RBFOX1: variants seen among roughly 807,000 people sequenced by gnomAD.
RBFOX1 encodes RNA binding fox-1 homolog 1.
A neutral mutation model predicts 57.7 loss-of-function variants in RBFOX1; 8 were observed. The observed-to-expected ratio is 0.14, with a 90% CI of 0.08 to 0.25. The LOEUF (loss-of-function observed/expected upper bound fraction) is 0.25, where lower values mean the gene tolerates loss of function less well. Ranked by LOEUF, RBFOX1 falls within the 10% of genes least tolerant of loss-of-function variation. The pLI is 1.00. For synonymous variants in RBFOX1, 326 were observed against 222.4 expected (o/e 1.47, Z -4.15); for missense variants, 611 against 548.5 (o/e 1.11, Z -1.14).
intron 4 of RBFOX1, among the ~76,000 whole-genome samples, chr16:7,379,779 G>A (rs983052265): frequency 6.8e-6 from 1 of 146,398 alleles, no homozygotes; most frequent in South Asian, 2.2e-4. Flanking sequence ...CCTGCCTTCC[G>A]TCCTGCCTGC....
chr16:5,243,905 A>AT (rs981567158), intron 1 of RBFOX1, among the ~76,000 whole-genome samples: 8 of 151,016 alleles, frequency 5.3e-5, no homozygotes, highest in Non-Finnish European at 7.4e-5. Flanking sequence ...ATTTATTTTT[A>AT]TTTTTTTTTA....
chr16:7,630,986 C>A (rs565130741), intron 11 of RBFOX1, among the ~76,000 whole-genome samples: 3 of 152,174 alleles, frequency 2.0e-5, no homozygotes, highest in Non-Finnish European at 4.4e-5. Context: ...CATAGCTTTG[C>A]AAATTAATAT....
chr16:7,631,035 G>A (rs549206251), intron 11 of RBFOX1, among the ~76,000 whole-genome samples: 2 of 152,158 alleles, frequency 1.3e-5, no homozygotes, highest in Admixed American at 6.5e-5. Flanking sequence ...CACCCCAAAG[G>A]CACCCTTGCC....
At chr16:7,676,869 T>A in intron 14 of RBFOX1, 31 bp downstream of exon 14, 1 of 1,571,970 alleles carries the variant, frequency 6.4e-7, no homozygotes, top group Non-Finnish European at 8.8e-7. Flanking sequence ...GCTTGACAAC[T>A]ACTTGTAAAT....
At chr16:6,531,115 G>A (rs1387502412) in intron 2 of RBFOX1, among the ~76,000 whole-genome samples, 1 of 152,168 alleles carries the variant, frequency 6.6e-6, no homozygotes, top group Non-Finnish European at 1.5e-5. Flanking sequence ...CAAGTCACTT[G>A]TGCTTACCAT....
Position 6,920,129 on chromosome 16 carries a change from G to A in RBFOX1, c.-15-131928G>A, listed in dbSNP as rs1215247669. 2.6e-5 allele frequency among the ~76,000 whole-genome samples: 4 copies of A among 152,138 alleles called. No individual in the cohort carries two copies. In the South Asian group the frequency reaches 6.2e-4, roughly 24 times the overall value. Reference sequence around the variant, plus strand: ...GGCCATTATTTTGTTCCATTTTATGGCTGAGTCATATTCTATGGTGTAGGT... The same window carrying A: ...GGCCATTATTTTGTTCCATTTTATGACTGAGTCATATTCTATGGTGTAGGT... On this transcript the variant is annotated intron_variant, in intron 3 of 15. Transcript: ENST00000550418.
intron 1 of RBFOX1, among the ~76,000 whole-genome samples, chr16:6,098,848 AC>A (rs2096274253): frequency 6.6e-6 from 1 of 152,164 alleles, no homozygotes; most frequent in Non-Finnish European, 1.5e-5. Context: ...TTCCAGGAGC[AC>A]TAAGTGTCCA....
intron 2 of RBFOX1, among the ~76,000 whole-genome samples, chr16:6,603,383 CTTAAAAT>C (rs1162224570): frequency 6.6e-6 from 1 of 152,160 alleles, no homozygotes; most frequent in African/African-American, 2.4e-5. Context: ...GAATCTGTTT[CTTAAAAT>C]TTAATATGAA....
chr16:7,144,968 T>C (rs1040021678), intron 4 of RBFOX1, among the ~76,000 whole-genome samples: 1 of 151,896 alleles, frequency 6.6e-6, no homozygotes, highest in Non-Finnish European at 1.5e-5. Context: ...CCCAGTGGAG[T>C]GCAGGGAGAT....
At chr16:5,962,702 T>C (rs2059772798) in intron 4 of RBFOX1, among the ~76,000 whole-genome samples, 1 of 152,022 alleles carries the variant, frequency 6.6e-6, no homozygotes. Context: ...TCATTAAGAG[T>C]AATTATAGTA....
intron 14 of RBFOX1, among the ~76,000 whole-genome samples, chr16:7,681,182 A>G (rs1346216026): frequency 3.9e-5 from 6 of 152,174 alleles, no homozygotes; most frequent in African/African-American, 1.2e-4. Flanking sequence ...AGTGACAGAG[A>G]TAGACATATA....
intron 4 of RBFOX1, among the ~76,000 whole-genome samples, chr16:7,281,737 G>C (rs539519548): frequency 4.7e-4 from 72 of 152,236 alleles, no homozygotes; most frequent in African/African-American, 1.7e-3. Flanking sequence ...TGAGGGAAAC[G>C]TGGGTTATTT....
At chr16:6,134,231 C>T (rs1011781390) in intron 1 of RBFOX1, among the ~76,000 whole-genome samples, 3 of 152,136 alleles carry the variant, frequency 2.0e-5, no homozygotes, top group African/African-American at 7.2e-5. Context: ...GCCACCACAC[C>T]CAGCCTAATT....
At chr16:7,061,477 C>T (rs543343862) in intron 4 of RBFOX1, among the ~76,000 whole-genome samples, 3 of 152,168 alleles carry the variant, frequency 2.0e-5, no homozygotes, top group African/African-American at 7.2e-5. Flanking sequence ...GTCCACTTTT[C>T]TTCATTTTTG....
chr16:7,280,329 C>T (rs1408622419), intron 4 of RBFOX1, among the ~76,000 whole-genome samples: 1 of 152,196 alleles, frequency 6.6e-6, no homozygotes, highest in Non-Finnish European at 1.5e-5. Flanking sequence ...CCTTCTTCTC[C>T]CTCCATAGAC....
intron 2 of RBFOX1, among the ~76,000 whole-genome samples, chr16:6,544,437 G>A (rs1233929937): frequency 6.6e-6 from 1 of 152,188 alleles, no homozygotes; most frequent in African/African-American, 2.4e-5. Flanking sequence ...GTCCAGCTTA[G>A]TTGAACGGAT....
intron 1 of RBFOX1, among the ~76,000 whole-genome samples, chr16:6,233,025 C>G (rs1419122670): frequency 6.6e-6 from 1 of 152,162 alleles, no homozygotes; most frequent in African/African-American, 2.4e-5. Flanking sequence ...TCTACATCGT[C>G]TGCTCATCAC....
chr16:6,748,065 T>G (rs2074138871), intron 3 of RBFOX1, among the ~76,000 whole-genome samples: 1 of 152,214 alleles, frequency 6.6e-6, no homozygotes, highest in Admixed American at 6.5e-5. Flanking sequence ...ACCATTTTCC[T>G]GATACTTTTT....
chr16:6,593,854 A>C (rs1246197696), intron 2 of RBFOX1, among the ~76,000 whole-genome samples: 1 of 152,152 alleles, frequency 6.6e-6, no homozygotes, highest in Non-Finnish European at 1.5e-5. Flanking sequence ...GTGATCTCTG[A>C]ATGATGGAAA....
Sources: allele counts gnomAD v4.1 joint callset (sites outside exome capture counted in the v4.1 genomes callset), GRCh38; gene constraint gnomAD v4.1.1; transcripts MANE v1.5; gene names NCBI Gene and HGNC (gene_info 2026-07-23, HGNC 2026-07-21).